PDE4DIP: variants seen among roughly 807,000 people sequenced by gnomAD.
PDE4DIP encodes phosphodiesterase 4D interacting protein, also known as myomegalin.
A neutral mutation model predicts 221.4 loss-of-function variants in PDE4DIP; 59 were observed. That is an observed-to-expected ratio of 0.27 (90% CI 0.22 to 0.33). PDE4DIP has a LOEUF of 0.33. PDE4DIP is among the 10% of genes least tolerant of loss of function. The pLI, the probability that PDE4DIP is intolerant of heterozygous loss-of-function variation, is 1.00. For missense variants in PDE4DIP, 1,036 were observed against 2,154.2 expected (o/e 0.48, Z 10.28); for synonymous variants, 404 against 815.9 (o/e 0.50, Z 8.60).
At chr1:149,004,370 A>G (rs2066460130) in intron 26 of PDE4DIP, among the ~76,000 whole-genome samples, 1 of 146,866 alleles carries the variant, frequency 6.8e-6, no homozygotes, top group African/African-American at 2.5e-5. Flanking sequence ...GCCCTAATAC[A>G]CTGATGTTAA....
chr1:149,007,031 T>A (rs1262782238), intron 27 of PDE4DIP, 170 bp from the exon 31 acceptor site: 3 of 569,542 alleles, frequency 5.3e-6, no homozygotes, highest in African/African-American at 3.8e-5. Context: ...CAATACTTTA[T>A]CAGGGTAGAA....
At chr1:148,969,053 G>T (rs2058694270) in intron 14 of PDE4DIP, 23 bp downstream of exon 17, 1 of 1,591,998 alleles carries the variant, frequency 6.3e-7, no homozygotes. Context: ...GCACAGATCA[G>T]ACAAGTGTCA....
At chr1:148,997,936 T>A (rs2064685378) in intron 22 of PDE4DIP, among the ~76,000 whole-genome samples, 1 of 152,250 alleles carries the variant, frequency 6.6e-6, no homozygotes, top group South Asian at 2.1e-4. Context: ...ATGGGGAAAT[T>A]CCTCCTGCTC....
chr1:148,952,132 G>A (rs2053525600), intron 5 of PDE4DIP: 2 of 1,028,818 alleles, frequency 1.9e-6, no homozygotes, highest in African/African-American at 1.7e-5. Flanking sequence ...GAGGATCCTT[G>A]AGGGCACTGG....
Position 148,859,762 on chromosome 1 carries a change from C to T in PDE4DIP, c.234-3488C>T, listed in dbSNP as rs1174351535. Among the ~76,000 whole-genome samples the T allele has an allele frequency of 5.9e-5, 8 of 135,528 alleles. No homozygotes were observed. The East Asian group carries it at 1.1e-3, about 18-fold the overall frequency. 88.9% of individuals were successfully genotyped at this position (135,528 alleles called of 152,430 possible). A position where few individuals can be genotyped will look rare whatever the true frequency, so the allele number is the denominator to read the frequency against. On this transcript the variant is annotated intron_variant, in intron 1 of 45. Transcript: ENST00000524974. ...AATTTTTTTCTGAACTTGGGTAATA[C>T]GAAAGAATGTACCAACATATATTAC... is the stretch of plus-strand genomic sequence containing the variant.
chr1:149,028,647 A>T (rs782311211), exon 41 of PDE4DIP: 1 of 1,601,704 alleles, frequency 6.2e-7, no homozygotes, highest in African/African-American at 1.3e-5. Flanking sequence ...CCTCCTCACC[A>T]TGTTCTGGAG....
intron 20 of PDE4DIP, 140 bp from the exon 24 acceptor site, chr1:148,981,130 T>G (rs2061006900): frequency 1.4e-6 from 1 of 738,622 alleles, no homozygotes; most frequent in African/African-American, 1.7e-5. Flanking sequence ...AAGACTACAT[T>G]CATTTATTGT....
In PDE4DIP at chr1:148,863,397, C is replaced by T; in HGVS notation, c.289+92C>T. 9 of 477,912 alleles carry T rather than the reference C, an allele frequency of 1.9e-5. 2 individuals carry two copies. The highest frequency in any genetic ancestry group is 3.0e-5 in the Non-Finnish European group (9 of 303,884). 29.6% of individuals were successfully genotyped at this position (477,912 alleles called of 1,614,324 possible). A position where few individuals can be genotyped will look rare whatever the true frequency, so the allele number is the denominator to read the frequency against. On this transcript the variant is annotated intron_variant, in intron 2 of 45. Transcript: ENST00000524974. ...TTTGAGACAGGTTCTCACTCTGTCACTATGGATGTAGTGCAGTGGTGTGAT... is the reference window on the plus strand; with the variant it reads ...TTTGAGACAGGTTCTCACTCTGTCATTATGGATGTAGTGCAGTGGTGTGAT...
intron 17 of PDE4DIP, among the ~76,000 whole-genome samples, chr1:148,975,827 A>G (rs1347994656): frequency 2.0e-5 from 3 of 152,152 alleles, no homozygotes; most frequent in Admixed American, 6.5e-5. Flanking sequence ...GCTAGTCCAA[A>G]TAGCTCTTAG....
At chr1:149,023,587 C>CATATATGTACATGTATATGTGCGCACAT (rs2073851692) in intron 37 of PDE4DIP, among the ~76,000 whole-genome samples, 2 of 143,242 alleles carry the variant, frequency 1.4e-5, no homozygotes, top group Admixed American at 7.0e-5. Flanking sequence ...GTGTACATGT[C>CATATATGTACATGTATATGTGCGCACAT]ATATATGTAC....
At chr1:148,963,065 T>C (rs1180977518) in intron 9 of PDE4DIP, among the ~76,000 whole-genome samples, 59 of 151,984 alleles carry the variant, frequency 3.9e-4, no homozygotes, top group Non-Finnish European at 7.5e-4. Flanking sequence ...GCTAATGTTG[T>C]TTTTGTATTT....
intron 1 of PDE4DIP, among the ~76,000 whole-genome samples, chr1:148,861,928 C>T (rs1316700164): frequency 9.9e-6 from 1 of 100,928 alleles, no homozygotes; most frequent in African/African-American, 4.5e-5. Context: ...GTCTGCGCCC[C>T]CTGCCCAGTC....
At position 148,981,379 on chromosome 1, in the gene PDE4DIP, A is replaced by T. The variant is rs587704932; in HGVS notation, c.2797A>T (p.Thr933Ser). 16 of 1,614,010 alleles carry T rather than the reference A, an allele frequency of 9.9e-6. No homozygotes were observed. In the East Asian group the frequency reaches 2.7e-4, roughly 27 times the overall value. ...CTTGGAGCGCTTAAACAGGCTGGAG[A>T]CCCTGGCCGCCATTGGAGGTGGGGA... is the stretch of plus-strand genomic sequence containing the variant. The change falls in exon 21 of 44, where the codon ACC becomes TCC. Residue 933 changes from threonine to serine, a missense_variant. Transcript: ENST00000369354.
chr1:148,926,993 T>C (rs1481268496), intron 1 of PDE4DIP, among the ~76,000 whole-genome samples: 14 of 148,836 alleles, frequency 9.4e-5, no homozygotes, highest in African/African-American at 3.0e-4. Flanking sequence ...CAGAATAAAA[T>C]ACAGGGTACT....
chr1:148,962,762 C>T lies in PDE4DIP; in HGVS notation c.1194+122C>T. 9.0e-6 allele frequency: 3 copies of T among 331,980 alleles called. No homozygotes were observed. The South Asian group carries it at 1.1e-4, about 12-fold the overall frequency. 20.6% of individuals were successfully genotyped at this position (331,980 alleles called of 1,614,324 possible). A position where few individuals can be genotyped will look rare whatever the true frequency, so the allele number is the denominator to read the frequency against. The stretch of plus-strand genomic sequence containing the variant: ...ATAATCTAAGTATTTCAGTTCAACA[C>T]TTGCTGCCCTTGTACCATATGCTAG... On this transcript the variant is annotated intron_variant, in intron 9 of 43. Transcript: ENST00000369354.
chr1:148,869,777 TAAAAAAAAAAAA>T (rs3978547), intron 3 of PDE4DIP, among the ~76,000 whole-genome samples: 1 of 68,480 alleles, frequency 1.5e-5, no homozygotes. Context: ...TCTTGTGCTC[TAAAAAAAAAAAA>T]AAAAAAAAAA....
At chr1:149,032,016 G>A (rs782272348) in exon 44 of PDE4DIP, 21 of 1,610,780 alleles carry the variant, frequency 1.3e-5, no homozygotes, top group African/African-American at 2.7e-5. Flanking sequence ...TGCAAGAAGC[G>A]CAGCCACCAG....
intron 14 of PDE4DIP, among the ~76,000 whole-genome samples, chr1:148,971,196 G>A (rs1466533869): frequency 6.6e-6 from 1 of 151,468 alleles, no homozygotes; most frequent in Non-Finnish European, 1.5e-5. Flanking sequence ...TAATCATGTG[G>A]TCTGATAAAC....
rs2075301244 is a variant in PDE4DIP, at chr1:149,026,780, TC to T, written c.6392del (p.Ser2131LeufsTer12). ...TTCCCCAGCTCTGGTCTTCCCCAGCTCTGCTTCCTCTACTCCTGGCTCAGAA... is the reference window on the plus strand; with the variant it reads ...TTCCCCAGCTCTGGTCTTCCCCAGCTTGCTTCCTCTACTCCTGGCTCAGAA... On this transcript the variant is annotated frameshift_variant, in exon 39 of 44. Transcript: ENST00000369354. LOFTEE classifies it high-confidence loss of function. The T allele has an allele frequency of 1.3e-5, 8 of 593,952 alleles. No homozygotes were observed. The highest frequency in any genetic ancestry group is 1.1e-4 in the South Asian group (5 of 46,896). 36.8% of individuals were successfully genotyped at this position (593,952 alleles called of 1,614,324 possible).
Sources: gnomAD v4.1 joint callset for allele counts (sites outside exome capture counted in the v4.1 genomes callset) on GRCh38, gnomAD v4.1.1 for gene constraint, MANE v1.5 for transcripts, NCBI Gene and HGNC (gene_info 2026-07-23, HGNC 2026-07-21) for gene names.